ELMO1: variants seen among roughly 807,000 people sequenced by gnomAD.
The protein encoded by ELMO1 is engulfment and cell motility 1, also known as engulfment and cell motility protein 1.
A neutral mutation model predicts 98.9 loss-of-function variants in ELMO1; 26 were observed. The ratio of observed to expected loss-of-function variants is 0.26; its 90% CI spans 0.19 to 0.36. The LOEUF is 0.36. ELMO1 is among the 10% of genes least tolerant of loss of function. The pLI, the probability that ELMO1 is intolerant of heterozygous loss-of-function variation, is 1.00. For missense variants in ELMO1, 627 were observed against 935.2 expected (o/e 0.67, Z 4.30); for synonymous variants, 346 against 346.0 (o/e 1.00, Z 0.00).
At chr7:37,061,020 T>C (rs1157453227) in intron 15 of ELMO1, among the ~76,000 whole-genome samples, 1 of 152,114 alleles carries the variant, frequency 6.6e-6, no homozygotes, top group African/African-American at 2.4e-5. Flanking sequence ...TTGGTTATCA[T>C]TTATATTTTG....
intron 1 of ELMO1, among the ~76,000 whole-genome samples, chr7:37,383,155 T>C (rs1401310147): frequency 6.6e-6 from 1 of 152,256 alleles, no homozygotes; most frequent in East Asian, 1.9e-4. Flanking sequence ...ATCCCAATAA[T>C]GTCCTTTATT....
At position 36,860,504 on chromosome 7, in the gene ELMO1, T is replaced by C. The variant is rs150883951; in HGVS notation, c.1983+1155A>G. The stretch of plus-strand genomic sequence containing the variant: ...CATTGTATCTATAAGAAGTGGCAGA[T>C]ATGAATAAAAATCTGGCAGTCCCAG... On this transcript the variant is annotated intron_variant, in intron 21 of 21. Coordinates refer to ENST00000310758, the MANE Select transcript of ELMO1 (RefSeq NM_014800.11). 5.3e-5 allele frequency among the ~76,000 whole-genome samples: 8 copies of C among 152,374 alleles called. No individual in the cohort carries two copies. In the East Asian group the frequency reaches 1.5e-3, roughly 29 times the overall value.
chr7:37,410,728 G>T (rs1473583234), intron 1 of ELMO1, among the ~76,000 whole-genome samples: 1 of 152,168 alleles, frequency 6.6e-6, no homozygotes, highest in African/African-American at 2.4e-5. Flanking sequence ...GAGCCTGCTG[G>T]CCTACCCCTA....
At chr7:36,980,712 C>T (rs562231682) in intron 16 of ELMO1, among the ~76,000 whole-genome samples, 4 of 152,312 alleles carry the variant, frequency 2.6e-5, no homozygotes, top group South Asian at 2.1e-4. Flanking sequence ...GATAATTTTA[C>T]GTATGTGATG....
chr7:37,158,503 G>A (rs934260643), intron 13 of ELMO1, among the ~76,000 whole-genome samples: 6 of 152,038 alleles, frequency 3.9e-5, no homozygotes, highest in African/African-American at 1.4e-4. Flanking sequence ...GGATATAAAT[G>A]GACACTTCTC....
chr7:36,968,278 C>T (rs529971375), intron 16 of ELMO1, among the ~76,000 whole-genome samples: 100 of 152,264 alleles, frequency 6.6e-4, no homozygotes, highest in African/African-American at 2.3e-3. Context: ...TTATTCTGCA[C>T]TTCTGATTTT....
chr7:36,973,975 G>A lies in ELMO1; in HGVS notation c.1437+39324C>T, dbSNP rs539297713. Reference sequence around the variant, plus strand: ...CTCACTGGGCCTTAGCTGCCTTCCCGCGGGGCAGGGCTCGGGACCTGCAGC... The same window carrying A: ...CTCACTGGGCCTTAGCTGCCTTCCCACGGGGCAGGGCTCGGGACCTGCAGC... On this transcript the variant is annotated intron_variant, in intron 16 of 21. Transcript: ENST00000310758. Among the ~76,000 whole-genome samples the A allele has an allele frequency of 4.5e-4, 68 of 151,752 alleles. 2 individuals are homozygous for A. The South Asian group carries it at 0.013, about 29-fold the overall frequency.
chr7:37,315,071 ACTTTAGCCTAC>A (rs1487908825), intron 3 of ELMO1, 149 bp from the exon 4 acceptor site: 33 of 650,892 alleles, frequency 5.1e-5, no homozygotes, highest in Non-Finnish European at 7.3e-5. Context: ...AAGCAAAATG[ACTTTAGCCTAC>A]CTTCCATTAC....
chr7:37,268,929 T>C, intron 5 of ELMO1, among the ~76,000 whole-genome samples: 1 of 151,894 alleles, frequency 6.6e-6, no homozygotes, highest in African/African-American at 2.4e-5. Flanking sequence ...AAAACAGCAG[T>C]GTGTGTGTGT....
At chr7:37,184,613 G>A (rs1391297881) in intron 13 of ELMO1, among the ~76,000 whole-genome samples, 3 of 152,138 alleles carry the variant, frequency 2.0e-5, no homozygotes, top group African/African-American at 7.2e-5. Context: ...CTTTTACTAT[G>A]TTTATGAAGT....
At chr7:37,125,909 A>G (rs1786476268) in intron 14 of ELMO1, among the ~76,000 whole-genome samples, 1 of 152,222 alleles carries the variant, frequency 6.6e-6, no homozygotes, top group Admixed American at 6.5e-5. Context: ...AATGTCCAAC[A>G]ATGATAGATT....
At chr7:36,926,449 C>T (rs1785581528) in intron 16 of ELMO1, among the ~76,000 whole-genome samples, 1 of 152,142 alleles carries the variant, frequency 6.6e-6, no homozygotes. Context: ...AGCGTTAGGG[C>T]AAATTAGTTC....
chr7:37,301,837 G>C (rs1798367227), intron 4 of ELMO1, among the ~76,000 whole-genome samples: 1 of 152,088 alleles, frequency 6.6e-6, no homozygotes, highest in South Asian at 2.1e-4. Context: ...TTTAAAAGAA[G>C]CAATAGATCT....
At chr7:37,304,585 G>A (rs965147168) in intron 4 of ELMO1, among the ~76,000 whole-genome samples, 1 of 152,050 alleles carries the variant, frequency 6.6e-6, no homozygotes, top group African/African-American at 2.4e-5. Flanking sequence ...GTGTGGTGGC[G>A]TGCGCCTGTA....
At chr7:36,891,672 C>A (rs1402983178) in intron 17 of ELMO1, among the ~76,000 whole-genome samples, 2 of 152,196 alleles carry the variant, frequency 1.3e-5, no homozygotes, top group Non-Finnish European at 2.9e-5. Flanking sequence ...TCATGCATGA[C>A]TCTGTCAAAT....
intron 13 of ELMO1, among the ~76,000 whole-genome samples, chr7:37,142,565 C>T (rs1787709602): frequency 6.6e-6 from 1 of 152,200 alleles, no homozygotes. Flanking sequence ...TTTGTTCCTA[C>T]TTTTTTCCTT....
At chr7:37,256,562 G>A (rs1228635069) in intron 6 of ELMO1, among the ~76,000 whole-genome samples, 1 of 131,904 alleles carries the variant, frequency 7.6e-6, no homozygotes, top group Non-Finnish European at 1.6e-5. Flanking sequence ...AAGGAAGGAA[G>A]GAAGGAAGGA....
At chr7:37,020,203 C>T (rs1020498211) in intron 15 of ELMO1, among the ~76,000 whole-genome samples, 7 of 152,084 alleles carry the variant, frequency 4.6e-5, no homozygotes, top group African/African-American at 1.7e-4. Flanking sequence ...TTGTAAGACC[C>T]CTGCCAAGTC....
chr7:37,170,766 T>C (rs1790099144), intron 13 of ELMO1, among the ~76,000 whole-genome samples: 1 of 151,936 alleles, frequency 6.6e-6, no homozygotes, highest in Non-Finnish European at 1.5e-5. Flanking sequence ...GCCACCTTGC[T>C]GGGCTAATTT....
Sources: gnomAD v4.1 joint callset for allele counts (sites outside exome capture counted in the v4.1 genomes callset) on GRCh38, gnomAD v4.1.1 for gene constraint, MANE v1.5 for transcripts, NCBI Gene and HGNC (gene_info 2026-07-23, HGNC 2026-07-21) for gene names.